MYO3B: variants seen among roughly 807,000 people sequenced by gnomAD.
MYO3B encodes myosin IIIB.
MYO3B carries 156 observed loss-of-function variants against 174.6 expected under a neutral mutation model. That is an observed-to-expected ratio of 0.89 (90% confidence interval 0.78 to 1.02). The LOEUF (loss-of-function observed/expected upper bound fraction) is 1.02. Ranked by LOEUF, MYO3B falls within the 50% of genes least tolerant of loss-of-function variation. The pLI, the probability that MYO3B is intolerant of heterozygous loss-of-function variation, is 0.00. For missense variants in MYO3B, 1,632 were observed against 1,639.4 expected (o/e 1.00, Z 0.08); for synonymous variants, 563 against 569.1 (o/e 0.99, Z 0.15).
chr2:170,245,213 C>T (rs966101096), intron 7 of MYO3B, among the ~76,000 whole-genome samples: 13 of 152,120 alleles, frequency 8.5e-5, no homozygotes, highest in African/African-American at 3.1e-4. Flanking sequence ...TGGAATCCCA[C>T]AATGTCTTAG....
At chr2:170,602,387 C>G (rs557564587) in intron 32 of MYO3B, among the ~76,000 whole-genome samples, 1 of 152,166 alleles carries the variant, frequency 6.6e-6, no homozygotes, top group Non-Finnish European at 1.5e-5. Context: ...TAACATTAAC[C>G]TTCCTTGTTT....
Position 170,236,103 on chromosome 2 carries a change from T to G in MYO3B, c.716T>G (p.Met239Arg). 1 of 1,614,158 alleles carries G rather than the reference T, an allele frequency of 6.2e-7. No homozygotes were observed. The highest frequency in any genetic ancestry group is 8.5e-7 in the Non-Finnish European group (1 of 1,180,020). ...LGDGDPPLFD[M>R]HPVKTLFKIP... is the part of the protein sequence containing the mutation. ...GATGGAGACCCTCCCCTCTTTGACA[T>G]GCATCCTGTGAAAACACTCTTTAAG... Residue 239 changes from methionine to arginine, a missense_variant, in exon 7 of 35, where the codon ATG becomes AGG. By Grantham distance (91) the Met-to-Arg change is moderately conservative. Transcript: ENST00000408978.
At chr2:170,450,187 T>C (rs969210530) in intron 23 of MYO3B, among the ~76,000 whole-genome samples, 23 of 152,352 alleles carry the variant, frequency 1.5e-4, no homozygotes, top group South Asian at 2.1e-4. Context: ...AACATATTTA[T>C]AAAAATACAG....
At chr2:170,440,934 T>C (rs1288469708) in intron 22 of MYO3B, among the ~76,000 whole-genome samples, 1 of 150,602 alleles carries the variant, frequency 6.6e-6, no homozygotes, top group Non-Finnish European at 1.5e-5. Flanking sequence ...CCAGAGTAGC[T>C]GAGATTACAG....
chr2:170,494,727 C>CA (rs3066990), intron 25 of MYO3B, among the ~76,000 whole-genome samples: 3,761 of 91,958 alleles, frequency 0.041, 218 homozygotes, highest in East Asian at 0.11. Context: ...AACTGCGTCT[C>CA]AAAAAAAAAA....
At chr2:170,357,338 ATTATATATATATATT>A (rs939580257) in intron 8 of MYO3B, among the ~76,000 whole-genome samples, 12 of 126,890 alleles carry the variant, frequency 9.5e-5, no homozygotes, top group African/African-American at 2.9e-4. Flanking sequence ...AATAATATAT[ATTATATATATATATT>A]TTATATATTA....
intron 8 of MYO3B, among the ~76,000 whole-genome samples, chr2:170,365,788 A>G (rs1467989134): frequency 6.6e-6 from 1 of 152,116 alleles, no homozygotes; most frequent in Non-Finnish European, 1.5e-5. Context: ...GTATGATGGT[A>G]TATGGTAGAC....
chr2:170,565,682 CT>C (rs1692025966), intron 32 of MYO3B, among the ~76,000 whole-genome samples: 1 of 152,086 alleles, frequency 6.6e-6, no homozygotes, highest in African/African-American at 2.4e-5. Flanking sequence ...TTCTGTTTGT[CT>C]TTTTTTATAT....
intron 32 of MYO3B, chr2:170,601,587 A>G: frequency 9.1e-7 from 1 of 1,102,998 alleles, no homozygotes; most frequent in Non-Finnish European, 1.4e-6. Context: ...ATAGACAAGG[A>G]AAAAAACTAG....
At chr2:170,610,091 C>T (rs1393729820) in intron 32 of MYO3B, among the ~76,000 whole-genome samples, 2 of 152,230 alleles carry the variant, frequency 1.3e-5, no homozygotes, top group African/African-American at 4.8e-5. Context: ...AATCCCAGCA[C>T]TTTAGGAGGC....
chr2:170,190,925 C>T (rs1006093498), intron 1 of MYO3B, among the ~76,000 whole-genome samples: 2 of 151,794 alleles, frequency 1.3e-5, no homozygotes, highest in African/African-American at 4.8e-5. Flanking sequence ...GGAGTCCCTC[C>T]CCATTGCTAC....
intron 25 of MYO3B, among the ~76,000 whole-genome samples, chr2:170,473,803 ACT>A (rs1204245797): frequency 6.6e-6 from 1 of 151,876 alleles, no homozygotes; most frequent in Non-Finnish European, 1.5e-5. Context: ...GACAAGGAAG[ACT>A]CTCTCGTTTT....
chr2:170,580,305 C>G (rs1693048465), intron 32 of MYO3B, among the ~76,000 whole-genome samples: 1 of 151,912 alleles, frequency 6.6e-6, no homozygotes. Context: ...AATTTTGTAC[C>G]TAATTTTATA....
chr2:170,370,946 C>T (rs144492095), intron 9 of MYO3B, among the ~76,000 whole-genome samples: 2,879 of 150,844 alleles, frequency 0.019, 79 homozygotes, highest in African/African-American at 0.057. Context: ...AGGCCAGGTG[C>T]GGTGGCTCAC....
chr2:170,442,446 G>A (rs184314994), intron 22 of MYO3B, among the ~76,000 whole-genome samples: 25 of 149,340 alleles, frequency 1.7e-4, no homozygotes, highest in African/African-American at 5.9e-4. Flanking sequence ...CAAATATATT[G>A]CCCATTTATT....
At chr2:170,525,486 T>A (rs1041415821) in intron 30 of MYO3B, among the ~76,000 whole-genome samples, 3 of 152,226 alleles carry the variant, frequency 2.0e-5, no homozygotes, top group Non-Finnish European at 4.4e-5. Flanking sequence ...ACAGCTAGCC[T>A]GTTTTTGTGT....
At chr2:170,182,264 A>T (rs1021107580) in intron 1 of MYO3B, among the ~76,000 whole-genome samples, 8 of 152,092 alleles carry the variant, frequency 5.3e-5, no homozygotes, top group East Asian at 1.9e-4. Flanking sequence ...TTTTTAAAAA[A>T]TTTTGAGCCA....
chr2:170,520,365 A>G (rs1688596954), intron 30 of MYO3B, among the ~76,000 whole-genome samples: 4 of 152,030 alleles, frequency 2.6e-5, no homozygotes, highest in Admixed American at 2.0e-4. Flanking sequence ...AGGTGGGAGT[A>G]TCACTTTAGC....
chr2:170,652,735 G>A (rs575807582), intron 34 of MYO3B, among the ~76,000 whole-genome samples: 3 of 152,112 alleles, frequency 2.0e-5, no homozygotes, highest in East Asian at 1.9e-4. Context: ...GTTGCAATAC[G>A]ACCACAACTT....
Sources: allele counts gnomAD v4.1 joint callset (sites outside exome capture counted in the v4.1 genomes callset), GRCh38; gene constraint gnomAD v4.1.1; transcripts MANE v1.5; gene names NCBI Gene and HGNC (gene_info 2026-07-23, HGNC 2026-07-21).